The following SND1 variants were observed in gnomAD, a reference collection of about 807,000 sequenced individuals.
SND1 encodes the protein staphylococcal nuclease domain-containing protein 1.
SND1 carries 38 observed loss-of-function variants against 121.7 expected under a neutral mutation model. The observed-to-expected ratio is 0.31, with a 90% confidence interval of 0.24 to 0.41. SND1 has a LOEUF of 0.41. Among genes scored for constraint, SND1 ranks in the 10% least tolerant of loss-of-function variants. The pLI is 1.00. For missense variants in SND1, 868 were observed against 1,184.6 expected (o/e 0.73, Z 3.92); for synonymous variants, 401 against 447.4 (o/e 0.90, Z 1.31).
chr7:127,807,661 C>A, intron 11 of SND1, 88 bp downstream of exon 11: 1 of 962,276 alleles, frequency 1.0e-6, no homozygotes, highest in Admixed American at 1.8e-5. Flanking sequence ...GGGCCCTTTA[C>A]CAGCAGATGA....
At chr7:127,883,820 A>G (rs997540041) in intron 12 of SND1, among the ~76,000 whole-genome samples, 1 of 152,152 alleles carries the variant, frequency 6.6e-6, no homozygotes, top group East Asian at 1.9e-4. Context: ...TGAAGAGTAC[A>G]GGTCAGTTAT....
intron 1 of SND1, among the ~76,000 whole-genome samples, chr7:127,661,829 T>A (rs1795316419): frequency 6.6e-6 from 1 of 151,876 alleles, no homozygotes; most frequent in Non-Finnish European, 1.5e-5. Flanking sequence ...AAAAGAAAAA[T>A]CCCTAGCTGG....
chr7:127,776,781 C>T (rs941917071), intron 10 of SND1, among the ~76,000 whole-genome samples: 1 of 152,150 alleles, frequency 6.6e-6, no homozygotes, highest in Non-Finnish European at 1.5e-5. Flanking sequence ...GTTCAAAGCC[C>T]TTATGTAAAT....
intron 13 of SND1, among the ~76,000 whole-genome samples, chr7:127,895,434 TG>T (rs1455327390): frequency 6.6e-6 from 1 of 152,100 alleles, no homozygotes; most frequent in Non-Finnish European, 1.5e-5. Context: ...AGGAGGAGAC[TG>T]GCCTTTCTCT....
intron 10 of SND1, among the ~76,000 whole-genome samples, chr7:127,731,055 A>T (rs1268959349): frequency 6.6e-6 from 1 of 152,250 alleles, no homozygotes; most frequent in Non-Finnish European, 1.5e-5. Context: ...AACGACTGGC[A>T]TGCGGAAGCG....
At chr7:127,851,075 T>C (rs1472273164) in intron 12 of SND1, among the ~76,000 whole-genome samples, 2 of 152,240 alleles carry the variant, frequency 1.3e-5, no homozygotes, top group Non-Finnish European at 2.9e-5. Context: ...TCCTTAAAAA[T>C]GTGGTTTCAG....
intron 10 of SND1, among the ~76,000 whole-genome samples, chr7:127,804,133 G>T (rs1266672035): frequency 6.6e-6 from 1 of 152,178 alleles, no homozygotes; most frequent in Non-Finnish European, 1.5e-5. Flanking sequence ...TACCTCACTT[G>T]CCTCTTGGAG....
rs558664822 is a variant in SND1 at position 127,709,616 on chromosome 7, A to G, written c.1038+1969A>G. Reference sequence around the variant, plus strand: ...AATTAGAAAAGGGAGACCTACCTGTAGAAGAATTTTTTCCATTTTCAAAAA... The same window carrying G: ...AATTAGAAAAGGGAGACCTACCTGTGGAAGAATTTTTTCCATTTTCAAAAA... On this transcript the variant is annotated intron_variant, in intron 9 of 23. Coordinates refer to ENST00000354725, the MANE Select transcript of SND1 (RefSeq NM_014390.4). Among the ~76,000 whole-genome samples, 33 of 152,344 alleles carry G rather than the reference A, an allele frequency of 2.2e-4. No homozygotes were observed. In the South Asian group the frequency reaches 6.8e-3, roughly 32 times the overall value.
chr7:127,749,042 CGT>C (rs988193252), intron 10 of SND1, among the ~76,000 whole-genome samples: 3 of 114,606 alleles, frequency 2.6e-5, no homozygotes, highest in South Asian at 3.1e-4. Flanking sequence ...TTTTTTCTTT[CGT>C]TTTTTTTTTT....
chr7:128,024,574 GACA>G (rs939299280), intron 16 of SND1, among the ~76,000 whole-genome samples: 2 of 152,150 alleles, frequency 1.3e-5, no homozygotes, highest in African/African-American at 4.8e-5. Flanking sequence ...CCTCTTCTCA[GACA>G]ACAATAGGAA....
At chr7:127,782,614 C>T (rs536361622) in intron 10 of SND1, among the ~76,000 whole-genome samples, 11 of 152,210 alleles carry the variant, frequency 7.2e-5, no homozygotes, top group South Asian at 2.1e-4. Context: ...AGTCATGATG[C>T]AGTCAGCCTT....
intron 10 of SND1, among the ~76,000 whole-genome samples, chr7:127,731,621 A>G (rs1453064886): frequency 1.3e-5 from 2 of 151,992 alleles, no homozygotes; most frequent in African/African-American, 4.8e-5. Context: ...TGGTTCTTTC[A>G]GCCTAGACAC....
At chr7:127,848,851 C>T (rs1165352467) in intron 12 of SND1, among the ~76,000 whole-genome samples, 1 of 151,934 alleles carries the variant, frequency 6.6e-6, no homozygotes, top group East Asian at 1.9e-4. Flanking sequence ...TCCTTTTTTC[C>T]TCTCGATGTA....
At chr7:127,682,182 G>T (rs1392682344) in intron 1 of SND1, among the ~76,000 whole-genome samples, 1 of 152,166 alleles carries the variant, frequency 6.6e-6, no homozygotes, top group Admixed American at 6.5e-5. Flanking sequence ...ATTTAATGTG[G>T]TGTTCCTGTT....
intron 14 of SND1, among the ~76,000 whole-genome samples, chr7:127,905,166 G>T (rs956802758): frequency 1.3e-5 from 2 of 152,146 alleles, no homozygotes; most frequent in Admixed American, 1.3e-4. Context: ...CTGTGAGTGG[G>T]AAGTCTTAGT....
intron 10 of SND1, among the ~76,000 whole-genome samples, chr7:127,800,438 G>C (rs1798105277): frequency 6.6e-6 from 1 of 152,098 alleles, no homozygotes; most frequent in Non-Finnish European, 1.5e-5. Flanking sequence ...CCTCACAGAA[G>C]GATATATCTG....
chr7:127,972,378 C>A (rs918335873), intron 15 of SND1, among the ~76,000 whole-genome samples: 25 of 152,184 alleles, frequency 1.6e-4, no homozygotes, highest in African/African-American at 5.8e-4. Context: ...CCTCCTGCCT[C>A]AGCCTCCCAA....
In SND1 at chr7:128,092,229, C is replaced by A; in HGVS notation, c.*171C>A. 2 of 657,332 alleles carry A rather than the reference C, an allele frequency of 3.0e-6. No individual in the cohort carries two copies. The highest frequency in any genetic ancestry group is 5.2e-6 in the Non-Finnish European group (2 of 382,690). 40.7% of individuals were successfully genotyped at this position (657,332 alleles called of 1,614,324 possible). On this transcript the variant is annotated 3_prime_UTR_variant, in exon 24 of 24. Coordinates refer to ENST00000354725, the MANE Select transcript of SND1 (RefSeq NM_014390.4). The surrounding 1 kb of genome is among the most constrained non-coding windows in gnomAD (Gnocchi z 4.9). The stretch of plus-strand genomic sequence containing the variant: ...CATCGGGGCTGCGGGGTGGGGACCC[C>A]AAGGCTTTCTGGGGCAGACCCTTGT...
chr7:127,866,653 TC>T (rs892847314), intron 12 of SND1, among the ~76,000 whole-genome samples: 2 of 152,204 alleles, frequency 1.3e-5, no homozygotes, highest in African/African-American at 4.8e-5. Context: ...TGCATAATAC[TC>T]CTGGATTAAT....
Sources: allele counts gnomAD v4.1 joint callset (sites outside exome capture counted in the v4.1 genomes callset), GRCh38; gene constraint gnomAD v4.1.1; non-coding constraint Gnocchi (gnomAD v3.1); transcripts MANE v1.5; gene names NCBI Gene and HGNC (gene_info 2026-07-23, HGNC 2026-07-21).